SGCD: variants seen among roughly 807,000 people sequenced by gnomAD.
SGCD encodes the protein delta-sarcoglycan.
In SGCD, 18 loss-of-function variants were observed where a neutral mutation model predicts 36.6. That is an observed-to-expected ratio of 0.49 (90% CI 0.34 to 0.73). The LOEUF (loss-of-function observed/expected upper bound fraction) is 0.73. Ranked by LOEUF, SGCD falls within the 30% of genes least tolerant of loss-of-function variation. The pLI is 0.01. For missense variants in SGCD, 387 were observed against 346.7 expected, an observed-to-expected ratio of 1.12 and a Z score of -0.92; for synonymous variants, 133 against 130.6, an observed-to-expected ratio of 1.02 and a Z score of -0.12.
intron 3 of SGCD, among the ~76,000 whole-genome samples, chr5:156,183,442 T>C (rs576789351): frequency 6.6e-5 from 10 of 152,248 alleles, no homozygotes; most frequent in African/African-American, 2.4e-4. Flanking sequence ...GAGTCTTGCT[T>C]TGTCACCCAG....
intron 1 of SGCD, among the ~76,000 whole-genome samples, chr5:155,902,756 T>G (rs1012096991): frequency 6.6e-6 from 1 of 152,210 alleles, no homozygotes; most frequent in Non-Finnish European, 1.5e-5. Flanking sequence ...CAATGAACAC[T>G]ATTGTTCTGC....
At chr5:156,616,307 C>T (rs1384635708) in intron 6 of SGCD, among the ~76,000 whole-genome samples, 2 of 152,130 alleles carry the variant, frequency 1.3e-5, no homozygotes, top group Non-Finnish European at 2.9e-5. Flanking sequence ...ATATAGTGTG[C>T]TGGTTAGCAA....
chr5:156,647,519 C>T lies in SGCD; in HGVS notation c.558C>T (p.Asp186=). ...TAGAAACACCTAATGTCAGGGCAGA[C>T]CCCTTCAAAGAACTAAGGTAAACTT... The part of the protein sequence containing the change: ...KSIETPNVRA[D]PFKELRLESP... The change falls in exon 7 of 9, where the codon GAC becomes GAT. Residue 186 remains aspartate, a synonymous_variant. Transcript: ENST00000337851. 6.3e-7 allele frequency: 1 copy of T among 1,580,744 alleles called. No homozygotes were observed. Among genetic ancestry groups the T allele is most frequent in the Non-Finnish European group, 8.6e-7 (1 of 1,161,118 alleles).
At chr5:156,758,874 C>T (rs921331554) in intron 8 of SGCD, among the ~76,000 whole-genome samples, 20 of 151,978 alleles carry the variant, frequency 1.3e-4, no homozygotes, top group Non-Finnish European at 2.8e-4. Flanking sequence ...ACCTTGCACA[C>T]AGTCATAGTA....
At chr5:155,946,787 T>C (rs1489123062) in intron 1 of SGCD, among the ~76,000 whole-genome samples, 1 of 152,202 alleles carries the variant, frequency 6.6e-6, no homozygotes, top group African/African-American at 2.4e-5. Context: ...GAGACAGAAC[T>C]GTATATGATT....
chr5:155,779,253 A>C, the SGCD span, among the ~76,000 whole-genome samples: 1 of 152,204 alleles, frequency 6.6e-6, no homozygotes, highest in Non-Finnish European at 1.5e-5. Flanking sequence ...AGCCTGAGCA[A>C]CATGGCAAAA....
At chr5:156,495,477 C>A (rs1457599118) in intron 3 of SGCD, among the ~76,000 whole-genome samples, 1 of 152,198 alleles carries the variant, frequency 6.6e-6, no homozygotes, top group Non-Finnish European at 1.5e-5. Flanking sequence ...AAGACACTGT[C>A]ATGTACAACT....
chr5:156,740,722 A>G (rs913258200), intron 7 of SGCD, among the ~76,000 whole-genome samples: 6 of 152,304 alleles, frequency 3.9e-5, no homozygotes, highest in African/African-American at 9.6e-5. Flanking sequence ...GTCTACGTCA[A>G]TGGTTCTCAA....
chr5:156,411,083 G>T (rs1041503956), intron 3 of SGCD, among the ~76,000 whole-genome samples: 1 of 152,028 alleles, frequency 6.6e-6, no homozygotes, highest in Non-Finnish European at 1.5e-5. Context: ...TATATGATTT[G>T]CCCCCTTGAT....
intron 3 of SGCD, among the ~76,000 whole-genome samples, chr5:156,305,790 C>G (rs1767191892): frequency 1.3e-5 from 2 of 152,228 alleles, no homozygotes; most frequent in Admixed American, 1.3e-4. Flanking sequence ...TGCCCAAGAC[C>G]ATGGGAACCC....
At chr5:156,360,693 T>C (rs1220050106) in intron 3 of SGCD, among the ~76,000 whole-genome samples, 1 of 152,032 alleles carries the variant, frequency 6.6e-6, no homozygotes. Context: ...AGGAGACCAC[T>C]GGACTTTGGA....
rs547430109 is a variant in SGCD at position 156,178,724 on chromosome 5, G to A, written c.-44+54705G>A. On this transcript the variant is annotated intron_variant, in intron 3 of 9. Coordinates refer to the SGCD transcript ENST00000517913. ...CCAAGTAGCTGGGATTGCAGGCATG[G>A]GCTACCATGCCTGGCTAATTTTTGT... Among the ~76,000 whole-genome samples the A allele has an allele frequency of 6.2e-3, 944 of 151,970 alleles. 2 individuals are homozygous for A. Among genetic ancestry groups the A allele is most frequent in the Middle Eastern group, 0.014 (4 of 294 alleles).
intron 3 of SGCD, among the ~76,000 whole-genome samples, chr5:156,128,466 A>C (rs1762232486): frequency 1.3e-5 from 2 of 148,912 alleles, no homozygotes; most frequent in African/African-American, 2.5e-5. Context: ...CCTGAAAACA[A>C]CTCAGATGTC....
the SGCD span, among the ~76,000 whole-genome samples, chr5:155,771,210 T>C: frequency 0.095 from 14,399 of 152,056 alleles, 836 homozygotes; most frequent in South Asian, 0.21. Flanking sequence ...TGCCCTGCCA[T>C]GTTGCAACTC....
intron 3 of SGCD, among the ~76,000 whole-genome samples, chr5:156,436,509 A>T (rs1753254354): frequency 6.6e-6 from 1 of 152,136 alleles, no homozygotes; most frequent in African/African-American, 2.4e-5. Context: ...GAACCTTAGG[A>T]GTTATAATAT....
intron 3 of SGCD, among the ~76,000 whole-genome samples, chr5:156,368,483 G>A (rs1770222306): frequency 6.6e-6 from 1 of 152,214 alleles, no homozygotes; most frequent in African/African-American, 2.4e-5. Flanking sequence ...ACCGTAGGAA[G>A]CAAGAAGACA....
intron 6 of SGCD, among the ~76,000 whole-genome samples, chr5:156,624,050 C>T (rs78832585): frequency 0.016 from 2,463 of 152,214 alleles, 69 homozygotes; most frequent in African/African-American, 0.056. Context: ...TGCAATCTCT[C>T]CCATCATTGG....
chr5:156,055,949 A>T (rs1020779663), intron 1 of SGCD, among the ~76,000 whole-genome samples: 2 of 146,348 alleles, frequency 1.4e-5, no homozygotes, highest in Non-Finnish European at 3.1e-5. Flanking sequence ...GGACACTAAA[A>T]CTTACAAAAT....
At chr5:156,325,851 C>T (rs1175570229), upstream of SGCD, among the ~76,000 whole-genome samples, 2 of 152,116 alleles carry the variant, frequency 1.3e-5, no homozygotes, top group Non-Finnish European at 2.9e-5. Flanking sequence ...CCCCACACCG[C>T]CTCCCACCCC....
Sources: allele counts gnomAD v4.1 joint callset (sites outside exome capture counted in the v4.1 genomes callset), GRCh38; gene constraint gnomAD v4.1.1; transcripts MANE v1.5; gene names NCBI Gene and HGNC (gene_info 2026-07-23, HGNC 2026-07-21).